CCDC73: variants seen among roughly 807,000 people sequenced by gnomAD.
CCDC73 encodes coiled-coil domain-containing protein 73.
A neutral mutation model predicts 116.5 loss-of-function variants in CCDC73; 95 were observed. The ratio of observed to expected loss-of-function variants is 0.82; its 90% CI spans 0.69 to 0.97. The LOEUF (loss-of-function observed/expected upper bound fraction) is 0.97, where lower values mean the gene tolerates loss of function less well. Among genes scored for constraint, CCDC73 ranks in the 50% least tolerant of loss-of-function variants. The probability of loss-of-function intolerance (pLI) is 0.00; values close to 1 mark genes in which losing one functional copy is unlikely to be tolerated. For synonymous variants in CCDC73, 398 were observed against 401.3 expected, an observed-to-expected ratio of 0.99 and a Z score of 0.10; for missense variants, 1,066 against 1,206.8, an observed-to-expected ratio of 0.88 and a Z score of 1.73.
chr11:32,709,083 G>A (rs781459782), intron 3 of CCDC73, among the ~76,000 whole-genome samples: 1 of 152,116 alleles, frequency 6.6e-6, no homozygotes, highest in Non-Finnish European at 1.5e-5. Flanking sequence ...TCCCTTCTAT[G>A]ATGATTTTGC....
upstream of CCDC73, among the ~76,000 whole-genome samples, chr11:32,796,598 T>C (rs2133413395): frequency 6.6e-6 from 1 of 152,294 alleles, no homozygotes; most frequent in African/African-American, 2.4e-5. Flanking sequence ...GGTTTGAATG[T>C]TTTTGTCCTG....
intron 2 of CCDC73, among the ~76,000 whole-genome samples, chr11:32,742,304 C>T (rs1250578388): frequency 6.6e-6 from 1 of 152,206 alleles, no homozygotes; most frequent in Non-Finnish European, 1.5e-5. Context: ...TCTCTACAAC[C>T]TCTCCAGCAT....
chr11:32,675,899 C>G lies in CCDC73; in HGVS notation c.552G>C (p.Lys184Asn). The change falls in exon 8 of 18, where the codon AAG (lysine) becomes AAC (asparagine). Residue 184 changes from lysine (K) to asparagine (N), a missense_variant. Transcript: ENST00000335185. ...GATAGCACATACCATTTTGTTCTAA[C>G]TTTTCATGATTCTCTTTTACCAATC... is the stretch of plus-strand genomic sequence containing the variant. Reference protein sequence around the residue: ...QFGLVKENHEKLEQNVREAIQ... With the variant: ...QFGLVKENHENLEQNVREAIQ... The G allele has an allele frequency of 6.3e-7, 1 of 1,597,480 alleles. No individual in the cohort carries two copies. Among genetic ancestry groups the G allele is most frequent in the Non-Finnish European group, 8.5e-7 (1 of 1,174,142 alleles).
intron 14 of CCDC73, among the ~76,000 whole-genome samples, chr11:32,632,203 G>C (rs1431448858): frequency 6.6e-6 from 1 of 152,138 alleles, no homozygotes; most frequent in African/African-American, 2.4e-5. Flanking sequence ...GTGTTCTGCT[G>C]TTGGTTGGTG....
intron 14 of CCDC73, among the ~76,000 whole-genome samples, chr11:32,621,423 A>G (rs1855522190): frequency 6.6e-6 from 1 of 152,238 alleles, no homozygotes. Context: ...GCAATGGGGC[A>G]AAGATTCCCT....
chr11:32,638,654 T>A (rs901883995), intron 13 of CCDC73, among the ~76,000 whole-genome samples: 2 of 151,940 alleles, frequency 1.3e-5, no homozygotes, highest in Admixed American at 1.3e-4. Context: ...AATTTTTGTA[T>A]TGTTAGTAGA....
intron 2 of CCDC73, among the ~76,000 whole-genome samples, chr11:32,748,824 A>G (rs1358862096): frequency 1.3e-5 from 2 of 152,186 alleles, no homozygotes; most frequent in Admixed American, 6.5e-5. Context: ...TTCACTGTAC[A>G]TACTATTCTA....
At chr11:32,731,453 T>C (rs1357112716) in intron 2 of CCDC73, among the ~76,000 whole-genome samples, 3 of 151,616 alleles carry the variant, frequency 2.0e-5, no homozygotes, top group Non-Finnish European at 4.4e-5. Context: ...AGTTTGAGAA[T>C]GGACAGACTG....
At chr11:32,759,823 A>G (rs1481117049) in intron 2 of CCDC73, among the ~76,000 whole-genome samples, 1 of 152,208 alleles carries the variant, frequency 6.6e-6, no homozygotes, top group Non-Finnish European at 1.5e-5. Context: ...GTGTCTAAAG[A>G]GGGTGCTATC....
intron 3 of CCDC73, among the ~76,000 whole-genome samples, chr11:32,708,254 T>C (rs2171243): frequency 0.27 from 41,233 of 152,110 alleles, 6,471 homozygotes; most frequent in East Asian, 0.79. Context: ...TTCTGTTCCA[T>C]TGATCTATGT....
chr11:32,757,247 C>A (rs1477895177), intron 2 of CCDC73, among the ~76,000 whole-genome samples: 2 of 151,650 alleles, frequency 1.3e-5, no homozygotes, highest in African/African-American at 4.8e-5. Flanking sequence ...ATAAGCTTAT[C>A]TTTAGTGAAA....
intron 13 of CCDC73, among the ~76,000 whole-genome samples, chr11:32,637,484 T>C (rs1335261226): frequency 6.6e-6 from 1 of 152,138 alleles, no homozygotes; most frequent in African/African-American, 2.4e-5. Context: ...TCTGTAGCAT[T>C]TGACCATGTT....
At chr11:32,760,716 G>A (rs998418127) in intron 1 of CCDC73, among the ~76,000 whole-genome samples, 1 of 152,196 alleles carries the variant, frequency 6.6e-6, no homozygotes, top group Non-Finnish European at 1.5e-5. Flanking sequence ...AACCAAGATA[G>A]TTAAATATTT....
At chr11:32,716,505 C>A (rs1259383503) in intron 3 of CCDC73, among the ~76,000 whole-genome samples, 1 of 152,148 alleles carries the variant, frequency 6.6e-6, no homozygotes, top group African/African-American at 2.4e-5. Context: ...TTTATTTCCA[C>A]ATAAACCTTA....
rs1461350583 is a variant in CCDC73, at chr11:32,754,884, T to G, written c.135+5225A>C. Among the ~76,000 whole-genome samples the G allele has an allele frequency of 5.9e-5, 8 of 136,286 alleles. No homozygotes were observed. In the East Asian group the frequency reaches 1.7e-3, roughly 28 times the overall value. The allele number at this position is 136,286 out of a possible 152,430, so 89.4% of individuals were successfully genotyped here. A position where few individuals can be genotyped will look rare whatever the true frequency, so the allele number is the denominator to read the frequency against. ...ACACAGAAGATGGCTTCAACTTTTT[T>G]TTTTTTTTTTTTTTTTTTTCTGAGA... On this transcript the variant is annotated intron_variant, in intron 2 of 17. Transcript: ENST00000335185.
At chr11:32,716,603 C>A (rs532766811) in intron 3 of CCDC73, among the ~76,000 whole-genome samples, 1 of 152,144 alleles carries the variant, frequency 6.6e-6, no homozygotes, top group Non-Finnish European at 1.5e-5. Flanking sequence ...CGCTCTGCAC[C>A]CAGGCTGGAG....
At chr11:32,720,557 G>GGAAA (rs1299889220) in intron 2 of CCDC73, among the ~76,000 whole-genome samples, 30 of 151,790 alleles carry the variant, frequency 2.0e-4, no homozygotes, top group African/African-American at 7.0e-4. Context: ...AAACAGATTG[G>GGAAA]AAAGGAAAAA....
chr11:32,785,511 G>A (rs1430750116), intron 1 of CCDC73, among the ~76,000 whole-genome samples: 1 of 151,964 alleles, frequency 6.6e-6, no homozygotes, highest in Non-Finnish European at 1.5e-5. Flanking sequence ...AAGTGACCCT[G>A]CCACCTCAGC....
chr11:32,632,811 A>G (rs982993227), intron 14 of CCDC73, among the ~76,000 whole-genome samples: 1 of 152,146 alleles, frequency 6.6e-6, no homozygotes, highest in African/African-American at 2.4e-5. Context: ...TGAAAAAACT[A>G]CATATCATAG....
Sources: allele counts gnomAD v4.1 joint callset (sites outside exome capture counted in the v4.1 genomes callset), GRCh38; gene constraint gnomAD v4.1.1; transcripts MANE v1.5; gene names NCBI Gene and HGNC (gene_info 2026-07-23, HGNC 2026-07-21).